The following DVL1 variants were observed in gnomAD, a reference collection of about 807,000 sequenced individuals.
DVL1 encodes the protein dishevelled segment polarity protein 1, also known as segment polarity protein dishevelled homolog DVL-1.
Under a neutral mutation model 65.0 loss-of-function variants are expected in DVL1, and 49 were observed. The ratio of observed to expected loss-of-function variants is 0.75; its 90% CI spans 0.60 to 0.96. The LOEUF (loss-of-function observed/expected upper bound fraction) is 0.96. Among genes scored for constraint, DVL1 ranks in the 40% least tolerant of loss-of-function variants. The pLI is 0.00. For missense variants in DVL1, 1,197 were observed against 1,045.4 expected (o/e 1.15, Z -2.00); for synonymous variants, 608 against 433.9 (o/e 1.40, Z -4.99).
At chr1:1,338,698 C>G in intron 11 of DVL1, 45 bp from the exon 12 acceptor site, 1 of 1,588,386 alleles carries the variant, frequency 6.3e-7, no homozygotes, top group East Asian at 2.2e-5. Flanking sequence ...CATCTGAAGG[C>G]GGGGGACTCA....
At position 1,335,990 on chromosome 1, in the gene DVL1, C is replaced by G. The variant is rs554804878; in HGVS notation, c.*152G>C. ...ACACAGGTGCTGTCAGGAGCTGGAG[C>G]AGCCAGGCTGCCAGGGCAGATGGTG... is the stretch of plus-strand genomic sequence containing the variant. On this transcript the variant is annotated 3_prime_UTR_variant, in exon 15 of 15. Transcript: ENST00000378888. The G allele has an allele frequency of 4.8e-6, 5 of 1,045,840 alleles. No individual in the cohort carries two copies. The African/African-American group carries it at 4.8e-5, about 10-fold the overall frequency. 64.8% of individuals were successfully genotyped at this position (1,045,840 alleles called of 1,614,324 possible).
chr1:1,346,416 G>A (rs1375634016), intron 1 of DVL1, among the ~76,000 whole-genome samples: 4 of 152,144 alleles, frequency 2.6e-5, no homozygotes, highest in Admixed American at 6.5e-5. Context: ...TGGGGACCCG[G>A]AGCCAAACAC....
chr1:1,348,850 C>A (rs1169329629), intron 1 of DVL1, 46 bp downstream of exon 1: 1 of 1,448,708 alleles, frequency 6.9e-7, no homozygotes, highest in Non-Finnish European at 9.2e-7. Flanking sequence ...GCAGGTGCGA[C>A]CCCCGAGCCC....
At chr1:1,337,834 G>A in intron 14 of DVL1, 143 bp downstream of exon 14, 3 of 750,096 alleles carry the variant, frequency 4.0e-6, no homozygotes, top group Non-Finnish European at 7.0e-6. Flanking sequence ...CAGCAGAGAA[G>A]CAGGGCGGAG....
rs1330404442 is a variant in DVL1 at position 1,341,603 on chromosome 1, C to CATGTAT, written c.605+63_605+64insATACAT. 3.8e-6 allele frequency: 5 copies of CATGTAT among 1,322,374 alleles called. No homozygotes were observed. In the African/African-American group the frequency reaches 7.6e-5, roughly 20 times the overall value. The allele number at this position is 1,322,374 out of a possible 1,614,324, so 81.9% of individuals were successfully genotyped here. A position where few individuals can be genotyped will look rare whatever the true frequency, so the allele number is the denominator to read the frequency against. The stretch of plus-strand genomic sequence containing the variant: ...AAAACACCTCATGCAGACACATGCA[C>CATGTAT]ATCATGTACAGACATTTGCAAGTGG... On this transcript the variant is annotated intron_variant, in intron 5 of 14. Coordinates refer to ENST00000378888, the MANE Select transcript of DVL1 (RefSeq NM_001330311.2).
intron 1 of DVL1, among the ~76,000 whole-genome samples, chr1:1,348,326 A>T (rs1643951474): frequency 6.6e-6 from 1 of 152,012 alleles, no homozygotes; most frequent in African/African-American, 2.4e-5. Flanking sequence ...CTCAGTGGGG[A>T]CGGGGCCCAC....
intron 1 of DVL1, among the ~76,000 whole-genome samples, chr1:1,346,003 T>C (rs1643909799): frequency 6.6e-6 from 1 of 152,126 alleles, no homozygotes; most frequent in South Asian, 2.1e-4. Flanking sequence ...CAGGCTCAAG[T>C]GTCCCTGCTA....
intron 1 of DVL1, among the ~76,000 whole-genome samples, chr1:1,348,323 G>C (rs1422477416): frequency 3.9e-5 from 6 of 152,206 alleles, no homozygotes; most frequent in Admixed American, 6.5e-5. Context: ...TGGCTCAGTG[G>C]GGACGGGGCC....
intron 14 of DVL1, among the ~76,000 whole-genome samples, chr1:1,337,510 T>TG (rs1448875891): frequency 4.1e-4 from 63 of 152,304 alleles, no homozygotes; most frequent in African/African-American, 1.5e-3. Flanking sequence ...AAAGTGACCC[T>TG]GTCAGACTCC....
rs374414843 is a variant in DVL1 at position 1,336,679 on chromosome 1, C to T, written c.1715-164G>A. Reference sequence around the variant, plus strand: ...AGGACAGGGCCGGCACCCCCAGGGTCGCAGGGGCAGCTGCGGCAGGCATGG... The same window carrying T: ...AGGACAGGGCCGGCACCCCCAGGGTTGCAGGGGCAGCTGCGGCAGGCATGG... On this transcript the variant is annotated intron_variant, in intron 14 of 14. Transcript: ENST00000378888. Among the ~76,000 whole-genome samples the T allele has an allele frequency of 2.3e-3, 347 of 152,292 alleles. 1 individual carries two copies. Among genetic ancestry groups the T allele is most frequent in the Non-Finnish European group, 4.4e-3 (300 of 68,006 alleles).
chr1:1,338,229 T>TTGGGCC, intron 13 of DVL1, 40 bp downstream of exon 13: 7 of 1,522,346 alleles, frequency 4.6e-6, no homozygotes, highest in African/African-American at 1.4e-5. Context: ...CCTCCGGCGT[T>TTGGGCC]CCCCTCCCCC....
chr1:1,346,613 C>T (rs182940106), intron 1 of DVL1, among the ~76,000 whole-genome samples: 63 of 152,344 alleles, frequency 4.1e-4, no homozygotes, highest in Admixed American at 1.6e-3. Context: ...GGGCCAAAGC[C>T]GTGCGTGGGG....
intron 13 of DVL1, 40 bp downstream of exon 13, chr1:1,338,229 T>TTGGCCCCCCCCCCCCCCCCCA: frequency 6.6e-7 from 1 of 1,522,366 alleles, no homozygotes; most frequent in Non-Finnish European, 9.0e-7. Context: ...CCTCCGGCGT[T>TTGGCCCCCCCCCCCCCCCCCA]CCCCTCCCCC....
chr1:1,336,115 A>G lies in DVL1; in HGVS notation c.*27T>C. The stretch of plus-strand genomic sequence containing the variant: ...GGCAGGACCGCCAGCTCCCCACCTC[A>G]GGCAGGGCTGGGGCATGCGCCACGA... On this transcript the variant is annotated 3_prime_UTR_variant, in exon 15 of 15. Transcript: ENST00000378888. 1 of 1,565,280 alleles carries G rather than the reference A, an allele frequency of 6.4e-7. No individual in the cohort carries two copies. Among genetic ancestry groups the G allele is most frequent in the South Asian group, 1.2e-5 (1 of 86,656 alleles).
rs556292877 is a variant in DVL1 at position 1,336,376 on chromosome 1, C to A, written c.1854G>T (p.Glu618Asp). Residue 618 changes from glutamate (E) to aspartate (D), a missense_variant, in exon 15 of 15, where the codon GAG becomes GAT. Transcript: ENST00000378888. ...CACGGCTGAGCTGGCCGGCCGGACG[C>A]TCTCGCCAGCTGCTCCCCACCCCAC... ...APSGVGSSWR[E>D]RPAGQLSRGS... The A allele has an allele frequency of 3.1e-6, 5 of 1,598,282 alleles. No individual in the cohort carries two copies. Among genetic ancestry groups the A allele is most frequent in the Non-Finnish European group, 4.2e-6 (5 of 1,178,400 alleles).
At chr1:1,336,813 G>A (rs1001267916) in intron 14 of DVL1, among the ~76,000 whole-genome samples, 3 of 152,172 alleles carry the variant, frequency 2.0e-5, no homozygotes, top group African/African-American at 4.8e-5. Context: ...GAAAGACTGA[G>A]GTGCCAGCGA....
At chr1:1,337,755 T>C (rs1287400777) in intron 14 of DVL1, 2 of 699,204 alleles carry the variant, frequency 2.9e-6, no homozygotes, top group Admixed American at 4.0e-5. Flanking sequence ...TGGATCCCCC[T>C]GGCACTTGCC....
At position 1,342,771 on chromosome 1, in the gene DVL1, G is replaced by A. The variant is rs1319705168; in HGVS notation, c.171-13C>T. ...CTCCTTCACCACCCTGTGGGCATAT[G>A]CTGCCGTGAGGCCCCACCTGGGGGG... On this transcript the variant is annotated splice_polypyrimidine_tract_variant and intron_variant, in intron 1 of 14. Transcript: ENST00000378888. 6.2e-7 allele frequency: 1 copy of A among 1,612,380 alleles called. No homozygotes were observed. Among genetic ancestry groups the A allele is most frequent in the Non-Finnish European group, 8.5e-7 (1 of 1,179,554 alleles).
intron 2 of DVL1, 89 bp downstream of exon 2, chr1:1,342,600 C>A: frequency 6.3e-7 from 1 of 1,579,190 alleles, no homozygotes; most frequent in Non-Finnish European, 8.6e-7. Flanking sequence ...CCTGCCAGGG[C>A]CTCCCCACAC....
Sources: allele counts gnomAD v4.1 joint callset (sites outside exome capture counted in the v4.1 genomes callset), GRCh38; gene constraint gnomAD v4.1.1; transcripts MANE v1.5; gene names NCBI Gene and HGNC (gene_info 2026-07-23, HGNC 2026-07-21).